The following NUP210 variants were observed in gnomAD, a reference collection of about 807,000 sequenced individuals.
The protein encoded by NUP210 is nuclear pore membrane glycoprotein 210.
In NUP210, 151 loss-of-function variants were observed where a neutral mutation model predicts 196.0. The observed-to-expected ratio is 0.77, with a 90% CI of 0.67 to 0.88. NUP210 has a LOEUF of 0.88. Among genes scored for constraint, NUP210 ranks in the 40% least tolerant of loss-of-function variants. The probability of loss-of-function intolerance (pLI) is 0.00; values close to 1 mark genes in which losing one functional copy is unlikely to be tolerated. For synonymous variants in NUP210, 1,070 were observed against 1,052.7 expected (o/e 1.02, Z -0.32); for missense variants, 2,314 against 2,493.7 (o/e 0.93, Z 1.53).
Position 13,347,203 on chromosome 3 carries a change from C to T in NUP210, c.2836-3900G>A. On this transcript the variant is annotated intron_variant, in intron 20 of 39. Coordinates refer to ENST00000254508, the MANE Select transcript of NUP210 (RefSeq NM_024923.4). This position sits in a 1 kb window ranked among gnomAD's most constrained non-coding sequence, Gnocchi z 4.7. The stretch of plus-strand genomic sequence containing the variant: ...GAGACACAGCTGCGGCTCACAGGAG[C>T]TGGGCCCCCCGGCTTCATTCCCTCC... 1 of 985,448 alleles carries T rather than the reference C, an allele frequency of 1.0e-6. No individual in the cohort carries two copies. The highest frequency in any genetic ancestry group is 1.2e-6 in the Non-Finnish European group (1 of 829,936). 61.0% of individuals were successfully genotyped at this position (985,448 alleles called of 1,614,324 possible).
intron 4 of NUP210, among the ~76,000 whole-genome samples, chr3:13,389,775 C>A (rs1487451302): frequency 1.3e-5 from 2 of 152,206 alleles, no homozygotes; most frequent in Non-Finnish European, 2.9e-5. Context: ...AGACAGTAAA[C>A]TCCCTGACAA....
chr3:13,337,962 C>T (rs1697292219), intron 25 of NUP210, 45 bp from the exon 26 acceptor site: 1 of 1,569,210 alleles, frequency 6.4e-7, no homozygotes. Context: ...GCAGTGCTGG[C>T]CAGGGATGTT....
intron 21 of NUP210, 92 bp downstream of exon 21, chr3:13,343,083 C>A: frequency 6.7e-7 from 1 of 1,503,700 alleles, no homozygotes; most frequent in Non-Finnish European, 9.1e-7. Flanking sequence ...GGAGCAAAAG[C>A]AAAGGCCATG....
chr3:13,401,184 G>A (rs1278200149), intron 1 of NUP210, among the ~76,000 whole-genome samples: 24 of 1,938 alleles, frequency 0.012, no homozygotes, highest in African/African-American at 0.032. Flanking sequence ...GCTTGAACCC[G>A]GCAGGCGGAG....
At chr3:13,407,845 T>C (rs1700047921) in intron 1 of NUP210, among the ~76,000 whole-genome samples, 1 of 152,238 alleles carries the variant, frequency 6.6e-6, no homozygotes, top group African/African-American at 2.4e-5. Flanking sequence ...GGTAGTGTTC[T>C]AGGTGCCAAG....
chr3:13,413,409 G>T (rs923548292), intron 1 of NUP210, among the ~76,000 whole-genome samples: 1 of 152,050 alleles, frequency 6.6e-6, no homozygotes, highest in South Asian at 2.1e-4. Flanking sequence ...GGCGGAGCTT[G>T]CAGTGAGCCA....
rs529592530 is a variant in NUP210 at position 13,376,858 on chromosome 3, G to A, written c.1153-427C>T. On this transcript the variant is annotated intron_variant, in intron 9 of 39. Transcript: ENST00000254508. ...CTTCAAGGACACCGAGAGGAACCTC[G>A]CCTTTTTCTTCTAAAACCTCCAACG... Among the ~76,000 whole-genome samples the A allele has an allele frequency of 3.3e-5, 5 of 152,140 alleles. No individual in the cohort carries two copies. The South Asian group carries it at 1.0e-3, about 32-fold the overall frequency.
intron 1 of NUP210, among the ~76,000 whole-genome samples, chr3:13,413,442 C>T (rs933552397): frequency 6.6e-6 from 1 of 151,718 alleles, no homozygotes; most frequent in African/African-American, 2.4e-5. Flanking sequence ...TGCACTCCAG[C>T]CTGGGCGACA....
Position 13,337,884 on chromosome 3 carries a change from C to A in NUP210, c.3505G>T (p.Ala1169Ser). The stretch of plus-strand genomic sequence containing the variant: ...ATGATGGGGGCGCGGATCCTCACGG[C>A]CCTTAGCAGCAGCACCTCCACCTGC... ...LVQVEVLLLR[A>S]VRIRAPIMRM... The change falls in exon 26 of 40, where the codon GCC (alanine) becomes TCC (serine). Residue 1169 changes from alanine (A) to serine (S), a missense_variant. By Grantham distance (99) the Ala-to-Ser change is moderately conservative (BLOSUM62 1). Transcript: ENST00000254508. 1 of 1,612,968 alleles carries A rather than the reference C, an allele frequency of 6.2e-7. No individual in the cohort carries two copies. The highest frequency in any genetic ancestry group is 8.5e-7 in the Non-Finnish European group (1 of 1,179,888).
intron 39 of NUP210, 49 bp from the exon 40 acceptor site, chr3:13,317,830 C>A (rs780162637): frequency 1.5e-6 from 2 of 1,333,974 alleles, no homozygotes; most frequent in African/African-American, 1.4e-5. Flanking sequence ...GGGAAAGCGG[C>A]GCACTCTTCA....
At chr3:13,363,026 A>C (rs922438868) in intron 14 of NUP210, among the ~76,000 whole-genome samples, 8 of 152,204 alleles carry the variant, frequency 5.3e-5, no homozygotes, top group Non-Finnish European at 4.4e-5. Context: ...GTGGGACCTT[A>C]AACAAGTTAA....
intron 25 of NUP210, among the ~76,000 whole-genome samples, chr3:13,338,707 G>A (rs1046400400): frequency 5.9e-5 from 9 of 152,174 alleles, no homozygotes; most frequent in African/African-American, 1.9e-4. Flanking sequence ...CATGGACAAG[G>A]CGCCGCAGGT....
At chr3:13,390,884 C>A (rs1405416168) in intron 4 of NUP210, among the ~76,000 whole-genome samples, 1 of 152,234 alleles carries the variant, frequency 6.6e-6, no homozygotes. Flanking sequence ...TTTAACTGGC[C>A]CCCCAGAAGT....
At chr3:13,366,769 A>G (rs1368833330) in intron 13 of NUP210, among the ~76,000 whole-genome samples, 1 of 151,294 alleles carries the variant, frequency 6.6e-6, no homozygotes, top group Non-Finnish European at 1.5e-5. Flanking sequence ...CACCCCCCTC[A>G]GCCTCCCAAA....
intron 16 of NUP210, chr3:13,354,525 T>A (rs1484041817): frequency 5.9e-6 from 1 of 169,702 alleles, no homozygotes; most frequent in Non-Finnish European, 1.3e-5. Context: ...GGAACCACCA[T>A]CCTGACCTAC....
At chr3:13,321,920 G>A in intron 35 of NUP210, 85 bp from the exon 36 acceptor site, 1 of 1,512,194 alleles carries the variant, frequency 6.6e-7, no homozygotes, top group Non-Finnish European at 9.0e-7. Context: ...CTAACCAGGG[G>A]ATTCCTATGC....
chr3:13,409,839 A>ATTTTTT (rs146104434), intron 1 of NUP210, among the ~76,000 whole-genome samples: 1 of 123,084 alleles, frequency 8.1e-6, no homozygotes, highest in African/African-American at 2.8e-5. Context: ...CCTGAATACT[A>ATTTTTT]ATTTTTTTTT....
rs748602696 is a variant in NUP210, at chr3:13,319,769, C to T, written c.5377G>A (p.Gly1793Ser). The change falls in exon 37 of 40, where the codon GGT becomes AGT. Residue 1793 changes from glycine to serine, a missense_variant. Transcript: ENST00000254508. Reference sequence around the variant, plus strand: ...ATGTCGTTCCGTGACTCACAAGGACCGGGCCCACGGCGATCCACCACAAAA... The same window carrying T: ...ATGTCGTTCCGTGACTCACAAGGACTGGGCCCACGGCGATCCACCACAAAA... ...VAFVVDRRGP[G>S]PYGASLFQHF... 30 of 1,613,942 alleles carry T rather than the reference C, an allele frequency of 1.9e-5. No homozygotes were observed. In the South Asian group the frequency reaches 2.3e-4, roughly 12 times the overall value.
chr3:13,367,099 C>A (rs988796821), intron 13 of NUP210, among the ~76,000 whole-genome samples: 6 of 146,076 alleles, frequency 4.1e-5, no homozygotes, highest in African/African-American at 1.5e-4. Flanking sequence ...GCACTCCAGC[C>A]TGGGCAATAA....
Sources: allele counts gnomAD v4.1 joint callset (sites outside exome capture counted in the v4.1 genomes callset), GRCh38; gene constraint gnomAD v4.1.1; non-coding constraint Gnocchi (gnomAD v3.1); transcripts MANE v1.5; gene names NCBI Gene and HGNC (gene_info 2026-07-23, HGNC 2026-07-21).